ATRNL1: variants seen among roughly 807,000 people sequenced by gnomAD.
The protein encoded by ATRNL1 is attractin like 1, also known as attractin-like protein 1.
A neutral mutation model predicts 182.7 loss-of-function variants in ATRNL1; 95 were observed. The ratio of observed to expected loss-of-function variants is 0.52; its 90% CI spans 0.44 to 0.62. ATRNL1 has a LOEUF of 0.62. ATRNL1 is among the 20% of genes least tolerant of loss of function. The pLI is 0.00. For synonymous variants in ATRNL1, 576 were observed against 568.3 expected, an observed-to-expected ratio of 1.01 and a Z score of -0.19; for missense variants, 1,471 against 1,679.5, an observed-to-expected ratio of 0.88 and a Z score of 2.17.
intron 28 of ATRNL1, among the ~76,000 whole-genome samples, chr10:115,913,659 G>A (rs1952754088): frequency 2.0e-5 from 3 of 152,162 alleles, no homozygotes; most frequent in Admixed American, 6.5e-5. Flanking sequence ...ACACAATGCT[G>A]TTCCTCCCAG....
In ATRNL1 at chr10:115,575,371, G is replaced by A. The variant is rs140827439; in HGVS notation, c.3795+25835G>A. Among the ~76,000 whole-genome samples the A allele has an allele frequency of 6.4e-4, 98 of 152,286 alleles. 1 individual carries two copies. In the East Asian group the frequency reaches 0.017, roughly 26 times the overall value. On this transcript the variant is annotated intron_variant, in intron 26 of 28. Transcript: ENST00000355044. ...CATTTGCAATGAAGCAGAGAATAGT[G>A]TCAGAACTCTGCCCTAACTAGGATT...
chr10:115,270,217 CACAT>C (rs1851783540), intron 13 of ATRNL1, among the ~76,000 whole-genome samples: 2 of 143,166 alleles, frequency 1.4e-5, no homozygotes, highest in South Asian at 4.2e-4. Flanking sequence ...TATATATACA[CACAT>C]ACACAGTTTA....
intron 19 of ATRNL1, among the ~76,000 whole-genome samples, chr10:115,345,176 A>G (rs1855920557): frequency 6.6e-6 from 1 of 152,158 alleles, no homozygotes; most frequent in Non-Finnish European, 1.5e-5. Context: ...GGACTTGCCT[A>G]AGAGTTGTAG....
At chr10:115,743,812 C>A (rs1002876759) in intron 27 of ATRNL1, among the ~76,000 whole-genome samples, 1 of 149,748 alleles carries the variant, frequency 6.7e-6, no homozygotes, top group Admixed American at 6.7e-5. Flanking sequence ...TTAAAATACA[C>A]ATACAGTAAC....
At chr10:115,210,040 G>GT (rs1248390599) in intron 8 of ATRNL1, among the ~76,000 whole-genome samples, 15 of 151,798 alleles carry the variant, frequency 9.9e-5, no homozygotes, top group African/African-American at 3.6e-4. Context: ...CAATTCCAAA[G>GT]TTTTTTTAAA....
chr10:115,500,189 A>C (rs1554979728), intron 24 of ATRNL1, among the ~76,000 whole-genome samples: 1 of 152,218 alleles, frequency 6.6e-6, no homozygotes, highest in East Asian at 1.9e-4. Context: ...GTATGTAAAT[A>C]GATTGCTGTT....
At chr10:115,218,312 A>G (rs886791125) in intron 9 of ATRNL1, among the ~76,000 whole-genome samples, 1 of 152,154 alleles carries the variant, frequency 6.6e-6, no homozygotes, top group Non-Finnish European at 1.5e-5. Context: ...TGCTGGAAAT[A>G]GAAGCAGGCT....
chr10:115,359,136 C>G (rs1395314744), intron 19 of ATRNL1, among the ~76,000 whole-genome samples: 1 of 151,532 alleles, frequency 6.6e-6, no homozygotes, highest in African/African-American at 2.4e-5. Context: ...AGGTTTGTGC[C>G]TCCATGATTA....
chr10:115,819,730 G>T (rs116400573), intron 27 of ATRNL1: 1 of 152,074 alleles, frequency 6.6e-6, no homozygotes, highest in African/African-American at 2.4e-5. Context: ...CAGTATAGAT[G>T]CAAGTGCTTG....
At chr10:115,921,986 G>A (rs1589698615) in intron 28 of ATRNL1, among the ~76,000 whole-genome samples, 1 of 152,164 alleles carries the variant, frequency 6.6e-6, no homozygotes, top group East Asian at 1.9e-4. Flanking sequence ...CTTAGGGATT[G>A]TTGACTCACC....
At position 115,831,211 on chromosome 10, in the gene ATRNL1, C is replaced by T. The variant is rs768464960; in HGVS notation, c.3904-16666C>T. On this transcript the variant is annotated intron_variant, in intron 27 of 28. Transcript: ENST00000355044. ...AAGTGCGTCACTGACTCTTTGCTCCCGGGAGAGAATGAGCATGTGGAAGCC... is the reference window on the plus strand; with the variant it reads ...AAGTGCGTCACTGACTCTTTGCTCCTGGGAGAGAATGAGCATGTGGAAGCC... Among the ~76,000 whole-genome samples the T allele has an allele frequency of 6.6e-5, 10 of 152,178 alleles. No individual in the cohort carries two copies. In the East Asian group the frequency reaches 9.7e-4, roughly 15 times the overall value.
At chr10:115,618,863 T>G (rs1555021686) in intron 26 of ATRNL1, among the ~76,000 whole-genome samples, 1 of 152,186 alleles carries the variant, frequency 6.6e-6, no homozygotes, top group Non-Finnish European at 1.5e-5. Context: ...TTATGTTCCT[T>G]GGGTGATGCA....
intron 26 of ATRNL1, among the ~76,000 whole-genome samples, chr10:115,695,856 A>G (rs1331016169): frequency 6.6e-6 from 1 of 151,442 alleles, no homozygotes; most frequent in African/African-American, 2.4e-5. Flanking sequence ...ACCTTATTCT[A>G]TTTTTATGGC....
chr10:115,243,273 AT>A lies in ATRNL1; in HGVS notation c.1687+1550del, dbSNP rs1850497507. On this transcript the variant is annotated intron_variant, in intron 10 of 28. Transcript: ENST00000355044. ...GGGAATGTATTTTTATTTTTTTCAT[AT>A]TGTTGAAGATTATGATATATCAAGT... Among the ~76,000 whole-genome samples the A allele has an allele frequency of 2.6e-5, 4 of 152,096 alleles. 1 individual carries two copies. In the South Asian group the frequency reaches 8.3e-4, roughly 31 times the overall value.
At chr10:115,576,595 C>A (rs1284885891) in intron 26 of ATRNL1, among the ~76,000 whole-genome samples, 1 of 151,892 alleles carries the variant, frequency 6.6e-6, no homozygotes, top group Non-Finnish European at 1.5e-5. Flanking sequence ...TGCTATTTTA[C>A]TATTGAGCTG....
chr10:115,471,381 C>T (rs1385778746), intron 24 of ATRNL1, among the ~76,000 whole-genome samples: 2 of 150,780 alleles, frequency 1.3e-5, no homozygotes, highest in Non-Finnish European at 3.0e-5. Flanking sequence ...ATTGCTGGAT[C>T]ATTGGTAGTT....
At chr10:115,775,129 A>G (rs1266290332) in intron 27 of ATRNL1, among the ~76,000 whole-genome samples, 1 of 152,212 alleles carries the variant, frequency 6.6e-6, no homozygotes, top group Non-Finnish European at 1.5e-5. Context: ...TTGAGTAACT[A>G]CATTCTGTCC....
chr10:115,759,954 AG>A (rs767671444), intron 27 of ATRNL1, among the ~76,000 whole-genome samples: 5 of 149,868 alleles, frequency 3.3e-5, no homozygotes, highest in Non-Finnish European at 5.9e-5. Context: ...AGCCTCCCAA[AG>A]TGCTGCGATT....
chr10:115,319,110 T>C (rs1210311518), intron 18 of ATRNL1, among the ~76,000 whole-genome samples: 1 of 152,210 alleles, frequency 6.6e-6, no homozygotes, highest in Non-Finnish European at 1.5e-5. Context: ...CTCATTGTTT[T>C]CAAATAACTT....
Sources: gnomAD v4.1 joint callset for allele counts (sites outside exome capture counted in the v4.1 genomes callset) on GRCh38, gnomAD v4.1.1 for gene constraint, MANE v1.5 for transcripts, NCBI Gene and HGNC (gene_info 2026-07-23, HGNC 2026-07-21) for gene names.